Variants in OTOG observed in about 807,000 individuals in gnomAD.
The protein encoded by OTOG is otogelin.
A neutral mutation model predicts 313.8 loss-of-function variants in OTOG; 296 were observed. The ratio of observed to expected loss-of-function variants is 0.94; its 90% CI spans 0.86 to 1.04. The LOEUF is 1.04. OTOG is among the 50% of genes least tolerant of loss of function. The pLI is 0.00. For missense variants in OTOG, 3,948 were observed against 3,840.1 expected (o/e 1.03, Z -0.74); for synonymous variants, 1,533 against 1,554.9 (o/e 0.99, Z 0.33).
chr11:17,593,090 T>A (rs1355037265), intron 25 of OTOG, 103 bp from the exon 26 acceptor site: 4 of 1,184,074 alleles, frequency 3.4e-6, no homozygotes, highest in Non-Finnish European at 4.6e-6. Flanking sequence ...AAAGTAGAAG[T>A]GGACTGAAAG....
intron 15 of OTOG, among the ~76,000 whole-genome samples, chr11:17,563,450 T>C (rs1313442545): frequency 6.6e-6 from 1 of 152,178 alleles, no homozygotes; most frequent in Admixed American, 6.5e-5. Context: ...GACTGGTCTT[T>C]CTTCTCCTTT....
chr11:17,562,224 C>G (rs1407648301), intron 15 of OTOG, among the ~76,000 whole-genome samples: 8 of 125,592 alleles, frequency 6.4e-5, no homozygotes, highest in African/African-American at 2.6e-4. Flanking sequence ...GGCAACAGAG[C>G]GAGACTCCGT....
Position 17,559,774 on chromosome 11 carries a change from G to T in OTOG, c.1342+112G>T. 3.7e-6 allele frequency: 3 copies of T among 808,716 alleles called. 1 individual carries two copies. Among genetic ancestry groups the T allele is most frequent in the African/African-American group, 4.1e-5 (2 of 48,374 alleles). 50.1% of individuals were successfully genotyped at this position (808,716 alleles called of 1,614,324 possible). On this transcript the variant is annotated intron_variant, in intron 12 of 55. Transcript: ENST00000399397. Reference sequence around the variant, plus strand: ...TTTGTGGAAGGAAGGAAGGAAAGGAGGGAGGGAGGGAGGGAGGAAGGAAAA... The same window carrying T: ...TTTGTGGAAGGAAGGAAGGAAAGGATGGAGGGAGGGAGGGAGGAAGGAAAA...
At chr11:17,615,471 G>C (rs1853696324) in intron 39 of OTOG, among the ~76,000 whole-genome samples, 1 of 152,124 alleles carries the variant, frequency 6.6e-6, no homozygotes, top group South Asian at 2.1e-4. Flanking sequence ...AAGTTTTATA[G>C]TTTTAGGTAT....
intron 23 of OTOG, among the ~76,000 whole-genome samples, chr11:17,582,576 T>C (rs1055278937): frequency 6.6e-6 from 1 of 152,230 alleles, no homozygotes; most frequent in Non-Finnish European, 1.5e-5. Context: ...TGGACAATTT[T>C]ACACGTCCAG....
At chr11:17,563,529 G>A (rs1249945244) in intron 15 of OTOG, among the ~76,000 whole-genome samples, 2 of 152,234 alleles carry the variant, frequency 1.3e-5, no homozygotes, top group Non-Finnish European at 2.9e-5. Context: ...TGCTCTCTGA[G>A]TCAGGAGACT....
intron 25 of OTOG, among the ~76,000 whole-genome samples, chr11:17,592,931 C>T (rs1233931974): frequency 6.6e-6 from 1 of 152,214 alleles, no homozygotes; most frequent in Non-Finnish European, 1.5e-5. Context: ...ACCCTATCAA[C>T]ACAATCATCC....
chr11:17,576,093 T>C (rs1456493339), intron 20 of OTOG, among the ~76,000 whole-genome samples: 1 of 152,238 alleles, frequency 6.6e-6, no homozygotes, highest in Admixed American at 6.5e-5. Flanking sequence ...TGGGTGTCCC[T>C]GGCCAGAGGT....
At position 17,642,154 on chromosome 11, in the gene OTOG, G is replaced by A. The variant is rs752901971; in HGVS notation, c.8323G>A (p.Ala2775Thr). 19 of 1,548,802 alleles carry A rather than the reference G, an allele frequency of 1.2e-5. No homozygotes were observed. Among genetic ancestry groups the A allele is most frequent in the African/African-American group, 5.5e-5 (4 of 73,116 alleles). Residue 2775 changes from alanine (A) to threonine (T), a missense_variant, in exon 53 of 56, where the codon GCC becomes ACC. Transcript: ENST00000399397. ...LPGASWIADC[A>T]RHHCSSTPLG... Reference sequence around the variant, plus strand: ...CGGGGCATCCTGGATCGCAGACTGCGCCCGCCACCACTGCAGCAGCACGCC... The same window carrying A: ...CGGGGCATCCTGGATCGCAGACTGCACCCGCCACCACTGCAGCAGCACGCC...
chr11:17,593,387 AGAAGAGGGCT>A (rs1852999085), intron 26 of OTOG, 60 bp downstream of exon 26: 2 of 1,534,236 alleles, frequency 1.3e-6, no homozygotes, highest in African/African-American at 2.7e-5. Flanking sequence ...GGGTTGGGGC[AGAAGAGGGCT>A]GAGGACTGGC....
intron 47 of OTOG, among the ~76,000 whole-genome samples, chr11:17,638,166 G>A (rs1406551894): frequency 6.6e-6 from 1 of 152,202 alleles, no homozygotes. Flanking sequence ...GGCTCTCCCT[G>A]GACCACCTCT....
At position 17,605,870 on chromosome 11, in the gene OTOG, G is replaced by A. The variant is rs1362730878; in HGVS notation, c.3891G>A (p.Val1297=). The change falls in exon 33 of 56, where the codon GTG becomes GTA. Residue 1297 remains valine (V), a synonymous_variant. Coordinates refer to ENST00000399397, the MANE Select transcript of OTOG (RefSeq NM_001292063.2). ...GGTTCTCTGCAGACCCAGATGTGGT[G>A]TCCCTGGAGGCAGCAGACAGACCCA... ...YKAKAHDPDV[V]SLEAADRPNF... is the part of the protein sequence containing the mutation. 2.6e-6 allele frequency: 4 copies of A among 1,545,364 alleles called. No homozygotes were observed. The highest frequency in any genetic ancestry group is 1.2e-5 in the South Asian group (1 of 83,280).
At chr11:17,639,557 G>A (rs929171116) in intron 49 of OTOG, 94 bp downstream of exon 49, 94 of 1,340,700 alleles carry the variant, frequency 7.0e-5, no homozygotes, top group Non-Finnish European at 9.1e-5. Flanking sequence ...CTTTAATCTA[G>A]TGCAAGGAAC....
intron 3 of OTOG, among the ~76,000 whole-genome samples, chr11:17,551,243 G>A (rs1046679065): frequency 8.5e-5 from 13 of 152,198 alleles, no homozygotes; most frequent in African/African-American, 2.2e-4. Context: ...GACATTAGAC[G>A]TCTCGGACTG....
rs1390125768 is a variant in OTOG, at chr11:17,612,748, T to G, written c.6421T>G (p.Cys2141Gly). Residue 2141 changes from cysteine to glycine, a missense_variant, in exon 38 of 56, where the codon TGC becomes GGC. Cys to Gly is a radical substitution (Grantham distance 159, BLOSUM62 -3). Transcript: ENST00000399397. ...DEMLTVHVLDCKSANLGHLNW... is the reference protein window; with the variant it reads ...DEMLTVHVLDGKSANLGHLNW... ...AATGCTCACCGTCCATGTACTGGACTGCAAAAGTGCCAACCTGGTGCCTGC... is the reference window on the plus strand; with the variant it reads ...AATGCTCACCGTCCATGTACTGGACGGCAAAAGTGCCAACCTGGTGCCTGC... 2.6e-6 allele frequency: 4 copies of G among 1,550,418 alleles called. No individual in the cohort carries two copies. The highest frequency in any genetic ancestry group is 4.9e-5 in the East Asian group (2 of 40,910).
At chr11:17,579,118 C>A (rs976409627) in intron 23 of OTOG, among the ~76,000 whole-genome samples, 5 of 152,200 alleles carry the variant, frequency 3.3e-5, no homozygotes, top group Non-Finnish European at 5.9e-5. Context: ...GGCCTGACAC[C>A]CAGCTCTGCC....
chr11:17,561,576 C>T (rs899153101), intron 14 of OTOG, 86 bp from the exon 15 acceptor site: 43 of 1,385,238 alleles, frequency 3.1e-5, no homozygotes, highest in Non-Finnish European at 4.1e-5. Flanking sequence ...GGGCAGGGTG[C>T]TGTGTCCTCC....
intron 20 of OTOG, among the ~76,000 whole-genome samples, chr11:17,575,629 T>G (rs567316593): frequency 2.2e-4 from 33 of 152,322 alleles, no homozygotes; most frequent in Admixed American, 1.2e-3. Flanking sequence ...AGGCCTCTGT[T>G]TCTCCGTCTG....
chr11:17,592,510 G>A (rs913265033), intron 25 of OTOG, among the ~76,000 whole-genome samples: 2 of 152,074 alleles, frequency 1.3e-5, no homozygotes, highest in African/African-American at 4.8e-5. Flanking sequence ...TCCAGTCAGG[G>A]ATGAATCCTG....
Sources: gnomAD v4.1 joint callset for allele counts (sites outside exome capture counted in the v4.1 genomes callset) on GRCh38, gnomAD v4.1.1 for gene constraint, MANE v1.5 for transcripts, NCBI Gene and HGNC (gene_info 2026-07-23, HGNC 2026-07-21) for gene names.